The following TTC27 variants were observed in gnomAD, a reference collection of about 807,000 sequenced individuals.
TTC27 encodes tetratricopeptide repeat protein 27.
A neutral mutation model predicts 115.9 loss-of-function variants in TTC27; 79 were observed. The observed-to-expected ratio is 0.68, with a 90% confidence interval of 0.57 to 0.82. The LOEUF (loss-of-function observed/expected upper bound fraction) is 0.82. Among genes scored for constraint, TTC27 ranks in the 40% least tolerant of loss-of-function variants. TTC27 has a pLI of 0.00. For missense variants in TTC27, 1,054 were observed against 993.1 expected (o/e 1.06, Z -0.82); for synonymous variants, 401 against 356.0 (o/e 1.13, Z -1.42).
At chr2:32,728,697 AC>A (rs1668194291) in intron 10 of TTC27, among the ~76,000 whole-genome samples, 1 of 152,156 alleles carries the variant, frequency 6.6e-6, no homozygotes, top group African/African-American at 2.4e-5. Flanking sequence ...TCGCCTTATG[AC>A]TTTGGGCAAG....
intron 12 of TTC27, among the ~76,000 whole-genome samples, chr2:32,750,418 C>T (rs1376833633): frequency 6.6e-6 from 1 of 152,196 alleles, no homozygotes; most frequent in African/African-American, 2.4e-5. Flanking sequence ...TGTTGCTTCA[C>T]TTCTGCCTTT....
chr2:32,666,109 G>A (rs1665765589), intron 6 of TTC27, among the ~76,000 whole-genome samples: 1 of 151,992 alleles, frequency 6.6e-6, no homozygotes, highest in Non-Finnish European at 1.5e-5. Context: ...TTCTTAAAGT[G>A]GTTTGAAAAC....
Position 32,762,276 on chromosome 2 carries a change from AGTGTGTGTGTGTGTGTGTGTGT to A in TTC27, c.1680+3788_1680+3809del, listed in dbSNP as rs10523103. On this transcript the variant is annotated intron_variant, in intron 13 of 19. Transcript: ENST00000317907. ...GCAAAGCTCTAGAAACACAGAGAGA[AGTGTGTGTGTGTGTGTGTGTGT>A]GTGTGTGTGTGTGTGTGTGTGTGTG... 4.4e-3 allele frequency among the ~76,000 whole-genome samples: 597 copies of A among 136,324 alleles called. 9 individuals carry two copies. Among genetic ancestry groups the A allele is most frequent in the African/African-American group, 0.016 (558 of 35,956 alleles). The allele number at this position is 136,324 out of a possible 152,430, so 89.4% of individuals were successfully genotyped here.
intron 17 of TTC27, 47 bp downstream of exon 17, chr2:32,811,268 T>C: frequency 6.5e-7 from 1 of 1,544,990 alleles, no homozygotes; most frequent in African/African-American, 1.4e-5. Context: ...TTTGAACATG[T>C]TGTAGTAGAT....
chr2:32,640,994 AAACAACAAC>A (rs994331105), intron 4 of TTC27, among the ~76,000 whole-genome samples: 5 of 152,172 alleles, frequency 3.3e-5, no homozygotes, highest in Admixed American at 6.5e-5. Flanking sequence ...AAACAAAACA[AAACAACAAC>A]AACAACAACA....
rs559737040 is a variant in TTC27 at position 32,673,960 on chromosome 2, G to C, written c.1052+1576G>C. 1.3e-4 allele frequency among the ~76,000 whole-genome samples: 19 copies of C among 151,894 alleles called. No individual in the cohort carries two copies. In the South Asian group the frequency reaches 3.8e-3, roughly 30 times the overall value. On this transcript the variant is annotated intron_variant, in intron 8 of 19. Coordinates refer to ENST00000317907, the MANE Select transcript of TTC27 (RefSeq NM_017735.5). ...AGATCACGCCACTGCACTCCACCTG[G>C]GTGACAGAGTGAAACTCTGTCTCAA... is the stretch of plus-strand genomic sequence containing the variant.
intron 5 of TTC27, among the ~76,000 whole-genome samples, chr2:32,659,160 C>T (rs1665440346): frequency 6.6e-6 from 1 of 151,936 alleles, no homozygotes; most frequent in African/African-American, 2.4e-5. Context: ...GAGATGAGTC[C>T]ACTCTATGTT....
chr2:32,754,408 C>T (rs1391513893), intron 12 of TTC27, among the ~76,000 whole-genome samples: 1 of 149,258 alleles, frequency 6.7e-6, no homozygotes, highest in Non-Finnish European at 1.5e-5. Flanking sequence ...CGCCCTTAAT[C>T]CATTTAACCC....
In TTC27 at chr2:32,817,571, G is replaced by A; in HGVS notation, c.2409+14G>A. 1 of 1,602,020 alleles carries A rather than the reference G, an allele frequency of 6.2e-7. No individual in the cohort carries two copies. The highest frequency in any genetic ancestry group is 1.3e-5 in the African/African-American group (1 of 74,764). ...TCTAAAGCAAAGGTGAGAGTGACAT[G>A]TGAATTAATTGGAATTGTCATATAG... On this transcript the variant is annotated intron_variant, in intron 19 of 19. Transcript: ENST00000317907.
At chr2:32,805,384 C>G (rs1671094621) in intron 16 of TTC27, among the ~76,000 whole-genome samples, 9 of 152,186 alleles carry the variant, frequency 5.9e-5, no homozygotes, top group Admixed American at 5.2e-4. Flanking sequence ...TGATCAGAAT[C>G]CAGCTTCATG....
intron 9 of TTC27, among the ~76,000 whole-genome samples, chr2:32,694,470 C>T (rs1666917227): frequency 6.6e-6 from 1 of 151,802 alleles, no homozygotes; most frequent in Non-Finnish European, 1.5e-5. Context: ...TTTGGGAGGC[C>T]AAGACAGGAG....
At chr2:32,755,558 CAGAGGGAGACCTTGGAAAGAGAGGG>C (rs1231397035) in intron 12 of TTC27, among the ~76,000 whole-genome samples, 25 of 151,670 alleles carry the variant, frequency 1.6e-4, no homozygotes, top group Middle Eastern at 3.4e-3. Flanking sequence ...GGCTCGGCAT[CAGAGGGAGACCTTGGAAAGAGAGGG>C]AGAGGGAGAC....
intron 16 of TTC27, among the ~76,000 whole-genome samples, chr2:32,787,858 G>A (rs1363645909): frequency 1.3e-5 from 2 of 152,106 alleles, no homozygotes; most frequent in African/African-American, 4.8e-5. Context: ...TGATAGCCAA[G>A]TGAATGGAGA....
intron 12 of TTC27, among the ~76,000 whole-genome samples, chr2:32,744,825 C>T (rs376799349): frequency 5.3e-5 from 8 of 152,098 alleles, no homozygotes; most frequent in African/African-American, 1.2e-4. Context: ...CCTAGACAGG[C>T]GGATCACAAC....
At chr2:32,801,605 G>A (rs765911431) in intron 16 of TTC27, among the ~76,000 whole-genome samples, 1 of 152,174 alleles carries the variant, frequency 6.6e-6, no homozygotes, top group Admixed American at 6.5e-5. Flanking sequence ...GTTATTCAGC[G>A]CACCACAGCT....
chr2:32,806,409 A>C (rs1345169396), intron 16 of TTC27, among the ~76,000 whole-genome samples: 1 of 152,220 alleles, frequency 6.6e-6, no homozygotes, highest in African/African-American at 2.4e-5. Context: ...ATGTTACATT[A>C]AAAGTTACTG....
rs182318754 is a variant in TTC27 at position 32,746,778 on chromosome 2, T to C, written c.1452+9962T>C. 5.3e-5 allele frequency among the ~76,000 whole-genome samples: 8 copies of C among 152,102 alleles called. No homozygotes were observed. In the South Asian group the frequency reaches 1.2e-3, roughly 24 times the overall value. ...ATTATTTGGTAATAAATTATGTAAA[T>C]TGAGTGGATAAGTGGAGGAAGACAG... On this transcript the variant is annotated intron_variant, in intron 12 of 19. Transcript: ENST00000317907.
chr2:32,637,574 G>A (rs1168951574), intron 3 of TTC27, among the ~76,000 whole-genome samples: 1 of 151,964 alleles, frequency 6.6e-6, no homozygotes, highest in Non-Finnish European at 1.5e-5. Context: ...CTTATGATCT[G>A]CCTGCCTCAG....
rs564197411 is a variant in TTC27 at position 32,797,706 on chromosome 2, G to C, written c.1998+10557G>C. Among the ~76,000 whole-genome samples, 5 of 152,252 alleles carry C rather than the reference G, an allele frequency of 3.3e-5. No homozygotes were observed. The South Asian group carries it at 1.0e-3, about 32-fold the overall frequency. On this transcript the variant is annotated intron_variant, in intron 16 of 19. Transcript: ENST00000317907. Reference sequence around the variant, plus strand: ...ACTTTATAACGGTAGATTTGGCAATGATTTCTTGGATATGACACCAAAAGC... The same window carrying C: ...ACTTTATAACGGTAGATTTGGCAATCATTTCTTGGATATGACACCAAAAGC...
Sources: gnomAD v4.1 joint callset for allele counts (sites outside exome capture counted in the v4.1 genomes callset) on GRCh38, gnomAD v4.1.1 for gene constraint, MANE v1.5 for transcripts, NCBI Gene and HGNC (gene_info 2026-07-23, HGNC 2026-07-21) for gene names.